ST6GALNAC2: variants seen among roughly 807,000 people sequenced by gnomAD.
The protein encoded by ST6GALNAC2 is ST6 N-acetylgalactosaminide alpha-2,6-sialyltransferase 2.
A neutral mutation model predicts 38.7 loss-of-function variants in ST6GALNAC2; 42 were observed. That is an observed-to-expected ratio of 1.09 (90% CI 0.85 to 1.40). The LOEUF is 1.40. Ranked by LOEUF, ST6GALNAC2 falls within the 40% of genes most tolerant of loss-of-function variation. The pLI is 0.00. For missense variants in ST6GALNAC2, 506 were observed against 481.7 expected, an observed-to-expected ratio of 1.05 and a Z score of -0.47; for synonymous variants, 233 against 209.0, an observed-to-expected ratio of 1.11 and a Z score of -0.99.
intron 1 of ST6GALNAC2, among the ~76,000 whole-genome samples, chr17:76,580,327 A>T (rs1301015524): frequency 6.6e-6 from 1 of 152,100 alleles, no homozygotes; most frequent in East Asian, 1.9e-4. Context: ...CTGAGGCAGG[A>T]GAATCGCTTG....
At chr17:76,585,348 G>T (rs957146580) in intron 1 of ST6GALNAC2, among the ~76,000 whole-genome samples, 1 of 152,258 alleles carries the variant, frequency 6.6e-6, no homozygotes, top group Non-Finnish European at 1.5e-5. Flanking sequence ...TATCTGCTTC[G>T]GGGACCCAGC....
chr17:76,575,726 A>G (rs1023516003), intron 2 of ST6GALNAC2, among the ~76,000 whole-genome samples: 1 of 152,192 alleles, frequency 6.6e-6, no homozygotes, highest in African/African-American at 2.4e-5. Context: ...AGGGAGGGTG[A>G]GGTCAGGAAA....
intron 8 of ST6GALNAC2, 86 bp from the exon 9 acceptor site, chr17:76,566,357 G>T: frequency 7.0e-7 from 1 of 1,425,124 alleles, no homozygotes; most frequent in Non-Finnish European, 9.7e-7. Flanking sequence ...GTTTAGAAAG[G>T]TGTCCGTCTG....
Position 76,578,818 on chromosome 17 carries a change from TG to T in ST6GALNAC2, c.126-3del, listed in dbSNP as rs772720667. On this transcript the variant is annotated splice_region_variant and splice_polypyrimidine_tract_variant and intron_variant, in intron 1 of 8. Transcript: ENST00000225276. The stretch of plus-strand genomic sequence containing the variant: ...AATGCTTCAAATGATGTGGTGTCCC[TG>T]GGGGAAAAAGCAGAAAAAAGCAGGG... 6.2e-7 allele frequency: 1 copy of T among 1,613,138 alleles called. No individual in the cohort carries two copies. Among genetic ancestry groups the T allele is most frequent in the Admixed American group, 1.7e-5 (1 of 59,830 alleles).
intron 6 of ST6GALNAC2, chr17:76,569,671 C>T (rs553254088): frequency 5.0e-6 from 2 of 397,802 alleles, no homozygotes; most frequent in South Asian, 1.3e-4. Context: ...GGCTTAGGTC[C>T]ACCCGATGTC....
intron 2 of ST6GALNAC2, among the ~76,000 whole-genome samples, chr17:76,578,184 G>A (rs1050813969): frequency 1.3e-5 from 2 of 152,148 alleles, no homozygotes; most frequent in South Asian, 2.1e-4. Flanking sequence ...CAAACTCCAG[G>A]ACTACCTCTT....
chr17:76,585,590 A>AGGGCTGC, intron 1 of ST6GALNAC2, 94 bp downstream of exon 1: 1 of 1,361,512 alleles, frequency 7.3e-7, no homozygotes, highest in Non-Finnish European at 9.5e-7. Context: ...GGTTGGGCTG[A>AGGGCTGC]GGGCTGCGGG....
chr17:76,566,157 C>T lies in ST6GALNAC2; in HGVS notation c.1072G>A (p.Ala358Thr). The change falls in exon 9 of 9, where the codon GCC becomes ACC. Residue 358 changes from alanine to threonine, a missense_variant. Transcript: ENST00000225276. ...YANHDLSLEA[A>T]LWRDLHKAGI... Reference sequence around the variant, plus strand: ...GCCTTGTGCAGGTCCCTCCACAGGGCAGCTTCCAGGGACAGATCGTGGTTT... The same window carrying T: ...GCCTTGTGCAGGTCCCTCCACAGGGTAGCTTCCAGGGACAGATCGTGGTTT... 1 of 1,614,156 alleles carries T rather than the reference C, an allele frequency of 6.2e-7. No homozygotes were observed.
rs1267922150 is a variant in ST6GALNAC2, at chr17:76,585,729, T to C, written c.80A>G (p.Tyr27Cys). The C allele has an allele frequency of 1.9e-6, 3 of 1,541,416 alleles. No homozygotes were observed. The highest frequency in any genetic ancestry group is 2.8e-5 in the African/African-American group (2 of 71,322). ...AACSGLLFAL[Y>C]FSAVQRYPGP... ...CGGGTACCGCTGCACCGCCGAGAAGTACAGGGCAAAGAGGAGCCCCGAGCA... is the reference window on the plus strand; with the variant it reads ...CGGGTACCGCTGCACCGCCGAGAAGCACAGGGCAAAGAGGAGCCCCGAGCA... The change falls in exon 1 of 9, where the codon TAC becomes TGC. Residue 27 changes from tyrosine (Y) to cysteine (C), a missense_variant. Coordinates refer to ENST00000225276, the MANE Select transcript of ST6GALNAC2 (RefSeq NM_006456.3).
rs1190015501 is a variant in ST6GALNAC2, at chr17:76,570,886, G to A, written c.670-218C>T. On this transcript the variant is annotated intron_variant, in intron 5 of 8. Coordinates refer to ENST00000225276, the MANE Select transcript of ST6GALNAC2 (RefSeq NM_006456.3). The stretch of plus-strand genomic sequence containing the variant: ...TGGCACCCAATTGCCATCCCCTGGA[G>A]TATGGGCTGGACTTAGCGACTCATG... The A allele has an allele frequency of 3.1e-5, 17 of 546,456 alleles. No homozygotes were observed. In the Admixed American group the frequency reaches 4.6e-4, roughly 15 times the overall value. 33.9% of individuals were successfully genotyped at this position (546,456 alleles called of 1,614,324 possible). A position where few individuals can be genotyped will look rare whatever the true frequency, so the allele number is the denominator to read the frequency against.
chr17:76,567,664 C>G, intron 7 of ST6GALNAC2, 112 bp from the exon 8 acceptor site: 6 of 690,730 alleles, frequency 8.7e-6, no homozygotes, highest in Non-Finnish European at 1.3e-5. Context: ...CCTTCTACTC[C>G]AGTCAGTTCT....
rs1360577835 is a variant in ST6GALNAC2, at chr17:76,565,927, G to A, written c.*177C>T. The A allele has an allele frequency of 1.3e-5, 8 of 623,342 alleles. No homozygotes were observed. Among genetic ancestry groups the A allele is most frequent in the Middle Eastern group, 8.7e-4 (2 of 2,286 alleles). The allele number at this position is 623,342 out of a possible 1,614,324, so 38.6% of individuals were successfully genotyped here. A position where few individuals can be genotyped will look rare whatever the true frequency, so the allele number is the denominator to read the frequency against. ...TAGATACAGAAGAGTTCTTGGATGA[G>A]CCAAGGACAAGCTGGGGTGTCCTAT... On this transcript the variant is annotated 3_prime_UTR_variant, in exon 9 of 9. Coordinates refer to ENST00000225276, the MANE Select transcript of ST6GALNAC2 (RefSeq NM_006456.3).
chr17:76,585,692 G>A lies in ST6GALNAC2; in HGVS notation c.117C>T (p.Ala39=). The change falls in exon 1 of 9, where the codon GCC becomes GCT. Residue 39 remains alanine, a synonymous_variant. Transcript: ENST00000225276. ...CGCTCGGCAGCCCCTACCTGGCTCC[G>A]GCCGCTGGCCCCGGGTACCGCTGCA... ...SAVQRYPGPA[A]GARDTTSFEA... 6.6e-7 allele frequency: 1 copy of A among 1,526,160 alleles called. No individual in the cohort carries two copies. The allele number at this position is 1,526,160 out of a possible 1,614,324, so 94.5% of individuals were successfully genotyped here.
chr17:76,575,069 C>A (rs140447706), intron 2 of ST6GALNAC2, among the ~76,000 whole-genome samples: 1 of 152,250 alleles, frequency 6.6e-6, no homozygotes, highest in East Asian at 1.9e-4. Flanking sequence ...GAGGCCATGT[C>A]CCCTTGGCCT....
intron 1 of ST6GALNAC2, among the ~76,000 whole-genome samples, chr17:76,584,684 G>A (rs1359663401): frequency 6.6e-6 from 1 of 152,188 alleles, no homozygotes; most frequent in Non-Finnish European, 1.5e-5. Context: ...CTGATCACTG[G>A]CAAGCTGTTT....
At chr17:76,577,761 T>C (rs11656649) in intron 2 of ST6GALNAC2, among the ~76,000 whole-genome samples, 15,378 of 151,536 alleles carry the variant, frequency 0.1, 898 homozygotes, top group Middle Eastern at 0.15. Flanking sequence ...TTAGTAGAGA[T>C]GGGGTTTCAC....
At chr17:76,575,975 G>A (rs2075411184) in intron 2 of ST6GALNAC2, among the ~76,000 whole-genome samples, 1 of 152,214 alleles carries the variant, frequency 6.6e-6, no homozygotes. Context: ...TGGGCATGGG[G>A]GCTCACCCCT....
chr17:76,576,807 C>G (rs867161793), intron 2 of ST6GALNAC2, among the ~76,000 whole-genome samples: 1 of 151,846 alleles, frequency 6.6e-6, no homozygotes, highest in Non-Finnish European at 1.5e-5. Flanking sequence ...CCTGTCTGTA[C>G]TAAAAATACA....
chr17:76,566,045 C>T lies in ST6GALNAC2; in HGVS notation c.*59G>A. ...ATTGAAAAGTTAAAAAAGCTTTTGG[C>T]CACTTGAGAGGATCAGGGCCGCAAC... is the stretch of plus-strand genomic sequence containing the variant. On this transcript the variant is annotated 3_prime_UTR_variant, in exon 9 of 9. Coordinates refer to ENST00000225276, the MANE Select transcript of ST6GALNAC2 (RefSeq NM_006456.3). 1 of 1,540,300 alleles carries T rather than the reference C, an allele frequency of 6.5e-7. No homozygotes were observed. Among genetic ancestry groups the T allele is most frequent in the Non-Finnish European group, 8.8e-7 (1 of 1,141,304 alleles).
Sources: allele counts gnomAD v4.1 joint callset (sites outside exome capture counted in the v4.1 genomes callset), GRCh38; gene constraint gnomAD v4.1.1; transcripts MANE v1.5; gene names NCBI Gene and HGNC (gene_info 2026-07-23, HGNC 2026-07-21).